Variants in TRPM3 observed in about 807,000 individuals in gnomAD.
TRPM3 encodes long transient receptor potential channel 3.
Under a neutral mutation model 181.2 loss-of-function variants are expected in TRPM3, and 77 were observed. The ratio of observed to expected loss-of-function variants is 0.42; its 90% CI spans 0.35 to 0.51. TRPM3 has a LOEUF of 0.51. Among genes scored for constraint, TRPM3 ranks in the 20% least tolerant of loss-of-function variants. TRPM3 has a pLI of 0.01. For synonymous variants in TRPM3, 745 were observed against 796.4 expected (o/e 0.94, Z 1.09); for missense variants, 1,759 against 2,196.7 (o/e 0.80, Z 3.98).
chr9:71,100,247 A>G (rs2068098157), intron 1 of TRPM3, among the ~76,000 whole-genome samples: 1 of 152,124 alleles, frequency 6.6e-6, no homozygotes, highest in African/African-American at 2.4e-5. Context: ...TTAGTCTCTG[A>G]GGGAGATTTG....
chr9:71,329,619 C>A (rs557343477), intron 1 of TRPM3, among the ~76,000 whole-genome samples: 12 of 152,202 alleles, frequency 7.9e-5, no homozygotes, highest in African/African-American at 2.6e-4. Flanking sequence ...CATGAGTACT[C>A]AAAATAATAT....
chr9:70,940,468 T>C (rs1271145186), intron 1 of TRPM3, among the ~76,000 whole-genome samples: 1 of 152,232 alleles, frequency 6.6e-6, no homozygotes, highest in Admixed American at 6.5e-5. Context: ...TGCTGGTTCA[T>C]CGATTCAAAT....
chr9:70,976,563 A>C (rs945135816), intron 1 of TRPM3, among the ~76,000 whole-genome samples: 1 of 152,194 alleles, frequency 6.6e-6, no homozygotes, highest in Non-Finnish European at 1.5e-5. Flanking sequence ...TTTTATGTAC[A>C]CTACAATTTA....
chr9:71,096,591 C>CACTCTT (rs2067296357), intron 1 of TRPM3, among the ~76,000 whole-genome samples: 1 of 38,384 alleles, frequency 2.6e-5, no homozygotes, highest in Non-Finnish European at 6.5e-5. Context: ...CACACACACA[C>CACTCTT]TCTCTCTCTC....
At chr9:70,951,367 A>G (rs923316006) in intron 1 of TRPM3, among the ~76,000 whole-genome samples, 3 of 152,098 alleles carry the variant, frequency 2.0e-5, no homozygotes, top group Admixed American at 6.6e-5. Flanking sequence ...TTTGAGATGA[A>G]GTATTGCTTT....
At chr9:71,371,827 C>G (rs961541935) in intron 1 of TRPM3, among the ~76,000 whole-genome samples, 3 of 152,132 alleles carry the variant, frequency 2.0e-5, no homozygotes, top group Non-Finnish European at 4.4e-5. Context: ...TCATTCTTGT[C>G]TTTTGTTTTT....
intron 1 of TRPM3, among the ~76,000 whole-genome samples, chr9:71,250,992 T>C (rs1007564650): frequency 6.6e-6 from 1 of 152,186 alleles, no homozygotes; most frequent in East Asian, 1.9e-4. Context: ...TGATTTGCTT[T>C]GTTCCAAAAA....
At chr9:70,742,012 A>G (rs374761828) in intron 8 of TRPM3, among the ~76,000 whole-genome samples, 1 of 152,176 alleles carries the variant, frequency 6.6e-6, no homozygotes, top group Admixed American at 6.6e-5. Flanking sequence ...ATGTGGCTTA[A>G]GCCTGCACCT....
Position 71,412,646 on chromosome 9 carries a change from T to G in TRPM3, c.183+34007A>C, listed in dbSNP as rs113075958. 4.4e-3 allele frequency among the ~76,000 whole-genome samples: 669 copies of G among 151,542 alleles called. 11 individuals are homozygous for G. The highest frequency in any genetic ancestry group is 0.016 in the African/African-American group (635 of 40,878). On this transcript the variant is annotated intron_variant, in intron 1 of 24. Transcript: ENST00000357533. ...GAAATAGGAACACTTTTACACTGTT[T>G]GTGGAGATGTAAACTAGTTCAACCA... is the stretch of plus-strand genomic sequence containing the variant.
chr9:71,097,467 C>T (rs149480151), intron 1 of TRPM3, among the ~76,000 whole-genome samples: 11 of 151,902 alleles, frequency 7.2e-5, no homozygotes, highest in East Asian at 1.9e-4. Context: ...TGAAAATATA[C>T]GTACATTTTT....
At chr9:71,000,475 G>A (rs546904246) in intron 1 of TRPM3, among the ~76,000 whole-genome samples, 2 of 152,320 alleles carry the variant, frequency 1.3e-5, no homozygotes, top group South Asian at 2.1e-4. Context: ...TGAAAAGTAA[G>A]TGTTAACGTA....
rs371637821 is a variant in TRPM3 at position 70,536,000 on chromosome 9, G to A, written c.5113C>T (p.Leu1705=). ...GRGDSLSMRR[L]SRTSAFQSFE... is the part of the protein sequence containing the mutation. Reference sequence around the variant, plus strand: ...CTTTGGAAAGCCGATGTTCTGGACAGTCTCCTCATGGACAGGCTGTCCCCT... The same window carrying A: ...CTTTGGAAAGCCGATGTTCTGGACAATCTCCTCATGGACAGGCTGTCCCCT... The change falls in exon 26 of 26, where the codon CTG becomes TTG. Residue 1705 remains leucine, a synonymous_variant. Transcript: ENST00000677713. 12 of 1,613,244 alleles carry A rather than the reference G, an allele frequency of 7.4e-6. No homozygotes were observed. The highest frequency in any genetic ancestry group is 1.6e-4 in the Middle Eastern group (1 of 6,078).
chr9:71,432,621 C>A (rs183795004), intron 1 of TRPM3, among the ~76,000 whole-genome samples: 27 of 152,154 alleles, frequency 1.8e-4, no homozygotes, highest in African/African-American at 5.5e-4. Flanking sequence ...GTATCTAATG[C>A]TTTTAAATGC....
At chr9:70,561,336 T>G (rs62545461) in intron 22 of TRPM3, among the ~76,000 whole-genome samples, 35,387 of 151,974 alleles carry the variant, frequency 0.23, 4,778 homozygotes, top group Admixed American at 0.31. Flanking sequence ...CGCTGCCCTT[T>G]GGCCTTTTCC....
At chr9:71,425,140 A>G (rs998374605) in intron 1 of TRPM3, among the ~76,000 whole-genome samples, 5 of 152,000 alleles carry the variant, frequency 3.3e-5, no homozygotes, top group Non-Finnish European at 5.9e-5. Context: ...TAGCTCTTCT[A>G]CTAAATAAAT....
chr9:70,632,309 A>C (rs1056308509), intron 12 of TRPM3, among the ~76,000 whole-genome samples: 56 of 152,168 alleles, frequency 3.7e-4, no homozygotes, highest in African/African-American at 1.3e-3. Flanking sequence ...ACCAATGTTA[A>C]CTTCTCCCTT....
At chr9:71,008,857 C>T (rs909253170) in intron 1 of TRPM3, among the ~76,000 whole-genome samples, 4 of 152,214 alleles carry the variant, frequency 2.6e-5, no homozygotes, top group African/African-American at 9.6e-5. Flanking sequence ...AAAACAACAA[C>T]AACAACAAAA....
At chr9:71,316,597 A>C (rs747449467) in intron 1 of TRPM3, among the ~76,000 whole-genome samples, 21 of 152,096 alleles carry the variant, frequency 1.4e-4, no homozygotes, top group Non-Finnish European at 2.8e-4. Context: ...GCTGTCTTTG[A>C]AGATGGAAGG....
chr9:70,980,178 C>A (rs1225954271), intron 1 of TRPM3, among the ~76,000 whole-genome samples: 1 of 151,786 alleles, frequency 6.6e-6, no homozygotes, highest in Non-Finnish European at 1.5e-5. Context: ...CTGAGTCAGG[C>A]GTTGTGGTGC....
Sources: allele counts gnomAD v4.1 joint callset (sites outside exome capture counted in the v4.1 genomes callset), GRCh38; gene constraint gnomAD v4.1.1; transcripts MANE v1.5; gene names NCBI Gene and HGNC (gene_info 2026-07-23, HGNC 2026-07-21).